Variants in CDH13 observed in about 807,000 individuals in gnomAD.
CDH13 encodes cadherin 13.
CDH13 carries 24 observed loss-of-function variants against 63.8 expected under a neutral mutation model. That is an observed-to-expected ratio of 0.38 (90% CI 0.27 to 0.53). The LOEUF is 0.53. Among genes scored for constraint, CDH13 ranks in the 20% least tolerant of loss-of-function variants. CDH13 has a pLI of 0.85. For missense variants in CDH13, 1,049 were observed against 903.1 expected, an observed-to-expected ratio of 1.16 and a Z score of -2.07; for synonymous variants, 503 against 355.3, an observed-to-expected ratio of 1.42 and a Z score of -4.67.
chr16:82,664,157 G>A (rs1194760193), intron 1 of CDH13, among the ~76,000 whole-genome samples: 4 of 152,214 alleles, frequency 2.6e-5, no homozygotes, highest in South Asian at 2.1e-4. Context: ...CATAGTAAGC[G>A]CTAAATAAAT....
chr16:83,144,125 G>A (rs965744710), intron 4 of CDH13, among the ~76,000 whole-genome samples: 6 of 152,170 alleles, frequency 3.9e-5, no homozygotes, highest in African/African-American at 1.4e-4. Flanking sequence ...TTGACCCACA[G>A]CTAGTGCTTG....
At chr16:82,798,886 T>C (rs981662160) in intron 1 of CDH13, among the ~76,000 whole-genome samples, 3 of 152,140 alleles carry the variant, frequency 2.0e-5, no homozygotes, top group African/African-American at 7.2e-5. Flanking sequence ...CAGGAACCCT[T>C]GGAAGTGAGC....
intron 5 of CDH13, among the ~76,000 whole-genome samples, chr16:83,219,878 G>A (rs7188129): frequency 0.98 from 149,787 of 152,350 alleles, 73,697 homozygotes; most frequent in East Asian, 1. Flanking sequence ...TCTTTGTTTC[G>A]GAATAAACTG....
intron 5 of CDH13, among the ~76,000 whole-genome samples, chr16:83,301,198 A>AT (rs1375697947): frequency 1.3e-5 from 2 of 151,032 alleles, no homozygotes; most frequent in African/African-American, 4.9e-5. Flanking sequence ...CGCCCGGCTA[A>AT]TTTTTTGTAT....
intron 5 of CDH13, among the ~76,000 whole-genome samples, chr16:83,337,030 T>A (rs1165258514): frequency 6.6e-6 from 1 of 152,222 alleles, no homozygotes; most frequent in East Asian, 1.9e-4. Flanking sequence ...AAGGGCAAGC[T>A]GTTAATAGTT....
chr16:83,458,220 C>G (rs541737401), intron 6 of CDH13, among the ~76,000 whole-genome samples: 3 of 152,224 alleles, frequency 2.0e-5, no homozygotes, highest in Non-Finnish European at 4.4e-5. Context: ...TCTGCTGTTT[C>G]TCCTGTACTT....
At chr16:82,834,261 C>T (rs2038669675) in intron 1 of CDH13, among the ~76,000 whole-genome samples, 1 of 152,156 alleles carries the variant, frequency 6.6e-6, no homozygotes, top group Non-Finnish European at 1.5e-5. Context: ...CAGGGGCCTG[C>T]ATTAGATGGC....
chr16:82,643,811 T>C (rs1909723665), intron 1 of CDH13, among the ~76,000 whole-genome samples: 1 of 152,054 alleles, frequency 6.6e-6, no homozygotes, highest in Non-Finnish European at 1.5e-5. Context: ...GGTGCAATCA[T>C]AGCTAACTGC....
At chr16:83,281,814 G>A (rs938881270) in intron 5 of CDH13, among the ~76,000 whole-genome samples, 1 of 151,974 alleles carries the variant, frequency 6.6e-6, no homozygotes, top group Non-Finnish European at 1.5e-5. Flanking sequence ...TCGGGAGGCT[G>A]AGGCAGGAGA....
chr16:83,019,021 A>T (rs1042277194), intron 2 of CDH13, among the ~76,000 whole-genome samples: 7 of 152,212 alleles, frequency 4.6e-5, no homozygotes, highest in Admixed American at 6.5e-5. Flanking sequence ...AGGACTATAG[A>T]CTTTATAAAC....
intron 2 of CDH13, among the ~76,000 whole-genome samples, chr16:83,023,397 T>C (rs1387556921): frequency 6.6e-6 from 1 of 152,180 alleles, no homozygotes; most frequent in African/African-American, 2.4e-5. Flanking sequence ...GTACAGTATC[T>C]TATATGTGTA....
At chr16:83,082,256 A>G (rs1422296230) in intron 3 of CDH13, among the ~76,000 whole-genome samples, 2 of 152,196 alleles carry the variant, frequency 1.3e-5, no homozygotes, top group Admixed American at 6.5e-5. Flanking sequence ...TGCAAAATGT[A>G]TTCATTGCAT....
chr16:83,613,183 A>G (rs1909003225), intron 8 of CDH13, among the ~76,000 whole-genome samples: 1 of 152,204 alleles, frequency 6.6e-6, no homozygotes, highest in African/African-American at 2.4e-5. Context: ...ATTTCCATTG[A>G]AAGAAACGTG....
intron 13 of CDH13, among the ~76,000 whole-genome samples, chr16:83,788,297 T>G (rs1394027319): frequency 1.3e-5 from 2 of 152,176 alleles, no homozygotes; most frequent in Non-Finnish European, 2.9e-5. Context: ...TGCACCTGCT[T>G]GTTAAAATAC....
intron 11 of CDH13, among the ~76,000 whole-genome samples, chr16:83,768,812 C>G (rs180756987): frequency 5.3e-4 from 80 of 152,214 alleles, no homozygotes; most frequent in Non-Finnish European, 1.0e-3. Flanking sequence ...TCATCGCCAT[C>G]TTGGTCTTGG....
In CDH13 at chr16:83,359,575, A is replaced by C. The variant is rs74034189; in HGVS notation, c.781+14569A>C. On this transcript the variant is annotated intron_variant, in intron 6 of 13. Transcript: ENST00000567109. The stretch of plus-strand genomic sequence containing the variant: ...GTTAATTTGAGCCTCTATTTCCTCT[A>C]CTGAATTGGTGATAATCTTCTGTGG... Among the ~76,000 whole-genome samples, 1,442 of 152,164 alleles carry C rather than the reference A, an allele frequency of 9.5e-3. 21 individuals carry two copies. The highest frequency in any genetic ancestry group is 0.034 in the African/African-American group (1,393 of 41,504).
chr16:82,727,519 A>C (rs556443129), intron 1 of CDH13: 1 of 152,078 alleles, frequency 6.6e-6, no homozygotes, highest in African/African-American at 2.4e-5. Context: ...CATTAGCCGC[A>C]CTTAGAGTTA....
At chr16:83,387,271 C>T (rs1321363986) in intron 6 of CDH13, among the ~76,000 whole-genome samples, 1 of 152,190 alleles carries the variant, frequency 6.6e-6, no homozygotes, top group African/African-American at 2.4e-5. Flanking sequence ...AAGGGCTGTT[C>T]TTTCTTCTGC....
At chr16:83,664,084 G>A (rs1451461014) in intron 8 of CDH13, among the ~76,000 whole-genome samples, 2 of 152,006 alleles carry the variant, frequency 1.3e-5, no homozygotes, top group Admixed American at 6.6e-5. Flanking sequence ...TTGAGCCTAA[G>A]AAGTCAAGGC....
Sources: gnomAD v4.1 joint callset for allele counts (sites outside exome capture counted in the v4.1 genomes callset) on GRCh38, gnomAD v4.1.1 for gene constraint, MANE v1.5 for transcripts, NCBI Gene and HGNC (gene_info 2026-07-23, HGNC 2026-07-21) for gene names.